Variants in PDE4B observed in about 807,000 individuals in gnomAD.
PDE4B encodes the protein phosphodiesterase 4B.
PDE4B carries 20 observed loss-of-function variants against 82.2 expected under a neutral mutation model. The ratio of observed to expected loss-of-function variants is 0.24; its 90% CI spans 0.17 to 0.35. The LOEUF is 0.35. Ranked by LOEUF, PDE4B falls within the 10% of genes least tolerant of loss-of-function variation. The pLI, the probability that PDE4B is intolerant of heterozygous loss-of-function variation, is 1.00. For synonymous variants in PDE4B, 320 were observed against 318.9 expected (o/e 1.00, Z -0.04); for missense variants, 655 against 907.2 (o/e 0.72, Z 3.57).
At chr1:66,300,128 T>C (rs887981818) in intron 7 of PDE4B, among the ~76,000 whole-genome samples, 2 of 152,198 alleles carry the variant, frequency 1.3e-5, no homozygotes, top group African/African-American at 4.8e-5. Flanking sequence ...TCAAAGGTTC[T>C]ATTTTATTCT....
rs192869700 is a variant in PDE4B at position 66,266,041 on chromosome 1, G to C, written c.588G>C (p.Arg196Ser). Residue 196 changes from arginine (R) to serine (S), a missense_variant, in exon 7 of 17, where the codon AGG becomes AGC. Coordinates refer to ENST00000341517, the MANE Select transcript of PDE4B (RefSeq NM_002600.4). ...LTNLHGTSNK[R>S]SPAASQPPVS... Reference sequence around the variant, plus strand: ...CTTCTTTTCTCTGTCTCCACAGGAGGTCCCCAGCTGCTAGTCAGCCTCCTG... The same window carrying C: ...CTTCTTTTCTCTGTCTCCACAGGAGCTCCCCAGCTGCTAGTCAGCCTCCTG... The C allele has an allele frequency of 1.5e-4, 245 of 1,613,200 alleles. No homozygotes were observed. The highest frequency in any genetic ancestry group is 1.9e-4 in the Non-Finnish European group (222 of 1,179,224).
intron 3 of PDE4B, among the ~76,000 whole-genome samples, chr1:66,169,884 A>C (rs1055143766): frequency 1.3e-5 from 2 of 152,242 alleles, no homozygotes; most frequent in Non-Finnish European, 2.9e-5. Flanking sequence ...AGATTTGGCT[A>C]CAGATTGATT....
At chr1:66,108,094 G>A (rs563694118) in intron 3 of PDE4B, among the ~76,000 whole-genome samples, 3 of 151,840 alleles carry the variant, frequency 2.0e-5, no homozygotes, top group African/African-American at 7.2e-5. Flanking sequence ...TACTCTCTTA[G>A]CAATTTTCAA....
intron 3 of PDE4B, among the ~76,000 whole-genome samples, chr1:66,084,016 G>A (rs991375533): frequency 6.6e-6 from 1 of 152,124 alleles, no homozygotes. Flanking sequence ...TTGTTGATAG[G>A]ATTATTTGTC....
At chr1:65,971,961 A>G (rs1650163650) in intron 3 of PDE4B, among the ~76,000 whole-genome samples, 1 of 152,190 alleles carries the variant, frequency 6.6e-6, no homozygotes, top group African/African-American at 2.4e-5. Flanking sequence ...CTTGTATCTT[A>G]TGAATATAAA....
At chr1:66,129,571 A>C (rs573479778) in intron 3 of PDE4B, among the ~76,000 whole-genome samples, 6 of 149,772 alleles carry the variant, frequency 4.0e-5, no homozygotes, top group Middle Eastern at 6.8e-3. Flanking sequence ...GAGGCAGGAG[A>C]ATGGCGTGAA....
At chr1:65,904,629 C>A (rs953975659) in intron 1 of PDE4B, among the ~76,000 whole-genome samples, 1 of 152,084 alleles carries the variant, frequency 6.6e-6, no homozygotes, top group Admixed American at 6.6e-5. Flanking sequence ...CCTGACCCAT[C>A]CTATTTGCTG....
chr1:65,804,671 G>C (rs1645733955), intron 1 of PDE4B, among the ~76,000 whole-genome samples: 1 of 152,084 alleles, frequency 6.6e-6, no homozygotes, highest in Non-Finnish European at 1.5e-5. Context: ...TAGAGGTCCA[G>C]CTGTCATTTT....
chr1:66,171,331 G>A (rs1023891473), intron 3 of PDE4B, among the ~76,000 whole-genome samples: 132 of 152,250 alleles, frequency 8.7e-4, no homozygotes, highest in African/African-American at 3.0e-3. Flanking sequence ...AGGCAGTCAT[G>A]TACTTTATGG....
At chr1:66,300,122 AG>A (rs1473697836) in intron 7 of PDE4B, among the ~76,000 whole-genome samples, 1 of 152,150 alleles carries the variant, frequency 6.6e-6, no homozygotes, top group Non-Finnish European at 1.5e-5. Context: ...AGACTTTCAA[AG>A]GTTCTATTTT....
intron 7 of PDE4B, among the ~76,000 whole-genome samples, chr1:66,285,711 A>G (rs1038669284): frequency 6.6e-6 from 1 of 152,164 alleles, no homozygotes; most frequent in East Asian, 1.9e-4. Flanking sequence ...TCCATGGTAT[A>G]TATATCTTAG....
intron 7 of PDE4B, among the ~76,000 whole-genome samples, chr1:66,293,929 G>A (rs1194001363): frequency 1.3e-5 from 2 of 152,180 alleles, no homozygotes; most frequent in Admixed American, 6.5e-5. Context: ...TCTGTGGCCG[G>A]ACATGGTGGC....
At chr1:66,347,085 G>A (rs959918081) in intron 8 of PDE4B, among the ~76,000 whole-genome samples, 1 of 152,068 alleles carries the variant, frequency 6.6e-6, no homozygotes. Context: ...CTGTTATGAC[G>A]TTGGGTTAGC....
At chr1:65,936,567 A>G (rs577930745) in intron 3 of PDE4B, among the ~76,000 whole-genome samples, 10 of 152,310 alleles carry the variant, frequency 6.6e-5, no homozygotes, top group African/African-American at 2.2e-4. Context: ...GTTGTTAAAT[A>G]TTAGAGTGCG....
intron 3 of PDE4B, among the ~76,000 whole-genome samples, chr1:66,102,461 G>A (rs1050773683): frequency 7.2e-5 from 11 of 152,044 alleles, no homozygotes; most frequent in African/African-American, 2.7e-4. Flanking sequence ...AAGTATAGCT[G>A]GTGAAGTGAG....
intron 3 of PDE4B, among the ~76,000 whole-genome samples, chr1:66,048,212 C>A (rs189656386): frequency 4.5e-4 from 69 of 151,890 alleles, no homozygotes; most frequent in African/African-American, 1.4e-3. Flanking sequence ...GATCACTAAA[C>A]TTCCATTATC....
intron 7 of PDE4B, among the ~76,000 whole-genome samples, chr1:66,326,473 A>G (rs1432316171): frequency 6.6e-6 from 1 of 152,082 alleles, no homozygotes; most frequent in Non-Finnish European, 1.5e-5. Context: ...GACCCATACT[A>G]TTTTTTCATA....
At chr1:65,973,450 G>GAA (rs540464855) in intron 3 of PDE4B, among the ~76,000 whole-genome samples, 44 of 152,212 alleles carry the variant, frequency 2.9e-4, no homozygotes, top group Non-Finnish European at 6.2e-4. Flanking sequence ...TTTCAGCTTT[G>GAA]AATCTCAGAA....
At chr1:66,335,402 G>A (rs776023221) in intron 8 of PDE4B, among the ~76,000 whole-genome samples, 5 of 139,328 alleles carry the variant, frequency 3.6e-5, no homozygotes, top group Non-Finnish European at 7.5e-5. Context: ...AGAGTTAACT[G>A]TGTTTGGTGG....
Sources: gnomAD v4.1 joint callset for allele counts (sites outside exome capture counted in the v4.1 genomes callset) on GRCh38, gnomAD v4.1.1 for gene constraint, MANE v1.5 for transcripts, NCBI Gene and HGNC (gene_info 2026-07-23, HGNC 2026-07-21) for gene names.